Variants in PLXDC2 observed in about 807,000 individuals in gnomAD.
PLXDC2 encodes plexin domain-containing protein 2.
Under a neutral mutation model 68.9 loss-of-function variants are expected in PLXDC2, and 40 were observed. The ratio of observed to expected loss-of-function variants is 0.58; its 90% CI spans 0.45 to 0.76. The LOEUF (loss-of-function observed/expected upper bound fraction) is 0.76. Among genes scored for constraint, PLXDC2 ranks in the 30% least tolerant of loss-of-function variants. PLXDC2 has a pLI of 0.00. For missense variants in PLXDC2, 644 were observed against 661.9 expected (o/e 0.97, Z 0.30); for synonymous variants, 243 against 234.2 (o/e 1.04, Z -0.34).
chr10:19,958,809 T>G (rs1034706958), intron 1 of PLXDC2, among the ~76,000 whole-genome samples: 8 of 147,532 alleles, frequency 5.4e-5, no homozygotes, highest in African/African-American at 2.1e-4. Flanking sequence ...AGAAAGTGTA[T>G]GTAAGTTTTT....
intron 12 of PLXDC2, among the ~76,000 whole-genome samples, chr10:20,239,014 A>C (rs1835478754): frequency 6.6e-6 from 1 of 152,066 alleles, no homozygotes; most frequent in African/African-American, 2.4e-5. Context: ...AGATTTTTAA[A>C]GTATATTCCT....
intron 4 of PLXDC2, among the ~76,000 whole-genome samples, chr10:20,137,920 G>A (rs578088682): frequency 1.3e-5 from 2 of 152,292 alleles, no homozygotes; most frequent in African/African-American, 4.8e-5. Flanking sequence ...ATGTGGGAAT[G>A]TGCCCTAGGA....
chr10:19,955,818 G>T (rs771828864), intron 1 of PLXDC2, among the ~76,000 whole-genome samples: 1 of 152,066 alleles, frequency 6.6e-6, no homozygotes, highest in Non-Finnish European at 1.5e-5. Context: ...GGTGGCTCAC[G>T]CCTGTAATTT....
intron 9 of PLXDC2, among the ~76,000 whole-genome samples, chr10:20,201,768 A>G (rs1264976498): frequency 6.6e-6 from 1 of 152,084 alleles, no homozygotes; most frequent in Non-Finnish European, 1.5e-5. Flanking sequence ...ATCAATTAAA[A>G]GATTTCCTCT....
chr10:20,113,777 T>C (rs972932078), intron 4 of PLXDC2, among the ~76,000 whole-genome samples: 1 of 152,200 alleles, frequency 6.6e-6, no homozygotes, highest in Non-Finnish European at 1.5e-5. Context: ...TCCTCCATTC[T>C]TCTTTGGAAG....
intron 6 of PLXDC2, among the ~76,000 whole-genome samples, chr10:20,164,122 G>C (rs1564338733): frequency 6.6e-6 from 1 of 152,020 alleles, no homozygotes; most frequent in Admixed American, 6.6e-5. Flanking sequence ...AGGAAAATCT[G>C]TTTCCAAAAT....
chr10:20,140,146 A>C (rs1470408020), intron 4 of PLXDC2, among the ~76,000 whole-genome samples: 1 of 151,762 alleles, frequency 6.6e-6, no homozygotes, highest in Non-Finnish European at 1.5e-5. Context: ...TAAAAATACA[A>C]AAAATTAGCC....
At chr10:20,226,285 C>T (rs1308003185) in intron 12 of PLXDC2, among the ~76,000 whole-genome samples, 2 of 152,142 alleles carry the variant, frequency 1.3e-5, no homozygotes, top group African/African-American at 4.8e-5. Flanking sequence ...AAAATGAGTC[C>T]ATTTAAGCCA....
intron 1 of PLXDC2, among the ~76,000 whole-genome samples, chr10:19,907,236 T>G (rs1833180315): frequency 6.6e-6 from 1 of 152,212 alleles, no homozygotes; most frequent in African/African-American, 2.4e-5. Context: ...ATCATTTCCT[T>G]TAAGGATCTT....
At chr10:20,124,726 C>T (rs978167659) in intron 4 of PLXDC2, among the ~76,000 whole-genome samples, 1 of 148,942 alleles carries the variant, frequency 6.7e-6, no homozygotes, top group Non-Finnish European at 1.5e-5. Context: ...GAGTGGGGGT[C>T]ACAAGGTACT....
At chr10:19,998,176 A>T (rs904318267) in intron 1 of PLXDC2, among the ~76,000 whole-genome samples, 10 of 152,234 alleles carry the variant, frequency 6.6e-5, no homozygotes, top group African/African-American at 2.4e-4. Context: ...TATATCACAT[A>T]TATTCCTTCA....
intron 2 of PLXDC2, among the ~76,000 whole-genome samples, chr10:20,016,274 G>C (rs988749109): frequency 4.0e-5 from 6 of 151,894 alleles, no homozygotes; most frequent in African/African-American, 1.5e-4. Flanking sequence ...CTGAGGGTTA[G>C]ACATAAAACC....
intron 2 of PLXDC2, among the ~76,000 whole-genome samples, chr10:20,033,723 T>G (rs1340535846): frequency 6.6e-6 from 1 of 152,150 alleles, no homozygotes; most frequent in Non-Finnish European, 1.5e-5. Context: ...ATGATTCAAT[T>G]ACCTCCCTCG....
chr10:19,927,713 CAAAAAAA>C (rs35250324), intron 1 of PLXDC2, among the ~76,000 whole-genome samples: 6 of 53,142 alleles, frequency 1.1e-4, no homozygotes, highest in South Asian at 1.1e-3. Flanking sequence ...GGAAAAAAAG[CAAAAAAA>C]AAAAAAAAAA....
intron 1 of PLXDC2, among the ~76,000 whole-genome samples, chr10:19,978,505 A>G (rs1461935506): frequency 6.6e-6 from 1 of 152,164 alleles, no homozygotes; most frequent in Non-Finnish European, 1.5e-5. Context: ...ATCTTTTTTG[A>G]AAAAGAAGAT....
chr10:20,177,444 T>A (rs1471681976), intron 9 of PLXDC2, 35 bp downstream of exon 9: 2 of 1,067,984 alleles, frequency 1.9e-6, no homozygotes, highest in Non-Finnish European at 2.5e-6. Flanking sequence ...TAATAAAATT[T>A]AAAAAGATAT....
chr10:19,824,142 G>A (rs894101713), intron 1 of PLXDC2, among the ~76,000 whole-genome samples: 1 of 152,224 alleles, frequency 6.6e-6, no homozygotes, highest in Non-Finnish European at 1.5e-5. Flanking sequence ...GAAAGAGACA[G>A]AGACAGGGTG....
At chr10:20,136,219 AG>A (rs771912532) in intron 4 of PLXDC2, among the ~76,000 whole-genome samples, 1 of 152,184 alleles carries the variant, frequency 6.6e-6, no homozygotes, top group Non-Finnish European at 1.5e-5. Flanking sequence ...TTTTATTCAG[AG>A]GAAGTCTGTT....
chr10:20,229,261 C>G (rs1358530082), intron 12 of PLXDC2, among the ~76,000 whole-genome samples: 1 of 151,912 alleles, frequency 6.6e-6, no homozygotes, highest in Non-Finnish European at 1.5e-5. Flanking sequence ...TATAGTAAGA[C>G]ACAAGTAATA....
Sources: allele counts gnomAD v4.1 joint callset (sites outside exome capture counted in the v4.1 genomes callset), GRCh38; gene constraint gnomAD v4.1.1; transcripts MANE v1.5; gene names NCBI Gene and HGNC (gene_info 2026-07-23, HGNC 2026-07-21).